The following PTK2 variants were observed in gnomAD, a reference collection of about 807,000 sequenced individuals.
The protein encoded by PTK2 is focal adhesion kinase 1.
In PTK2, 45 loss-of-function variants were observed where a neutral mutation model predicts 150.1. The observed-to-expected ratio is 0.30, with a 90% confidence interval of 0.24 to 0.38. The LOEUF (loss-of-function observed/expected upper bound fraction) is 0.38. Among genes scored for constraint, PTK2 ranks in the 10% least tolerant of loss-of-function variants. The pLI, the probability that PTK2 is intolerant of heterozygous loss-of-function variation, is 1.00. For synonymous variants in PTK2, 432 were observed against 449.2 expected, an observed-to-expected ratio of 0.96 and a Z score of 0.48; for missense variants, 919 against 1,307.3, an observed-to-expected ratio of 0.70 and a Z score of 4.58.
intron 16 of PTK2, among the ~76,000 whole-genome samples, chr8:140,754,873 T>A (rs1372865784): frequency 3.9e-5 from 6 of 152,164 alleles, no homozygotes; most frequent in Non-Finnish European, 7.3e-5. Flanking sequence ...TCAAAGTAAG[T>A]AAGACCAGAA....
rs139411697 is a variant in PTK2, at chr8:140,812,100, T to A, written c.867+6177A>T. ...ACGAGAAGATCATTCCCAAGACACA[T>A]CATCATGAAATTCTTCAAGGTGGAA... On this transcript the variant is annotated intron_variant, in intron 10 of 31. Transcript: ENST00000522684. Among the ~76,000 whole-genome samples, 27 of 152,126 alleles carry A rather than the reference T, an allele frequency of 1.8e-4. No homozygotes were observed. The East Asian group carries it at 5.2e-3, about 29-fold the overall frequency.
intron 1 of PTK2, among the ~76,000 whole-genome samples, chr8:140,938,863 C>T (rs1412026435): frequency 1.3e-5 from 2 of 152,060 alleles, no homozygotes; most frequent in African/African-American, 4.8e-5. Context: ...AATATTTTAC[C>T]TAGGTGTGGT....
At chr8:140,947,145 C>A (rs1318643784) in intron 1 of PTK2, among the ~76,000 whole-genome samples, 1 of 152,152 alleles carries the variant, frequency 6.6e-6, no homozygotes, top group East Asian at 1.9e-4. Flanking sequence ...AAGCCTTCTC[C>A]ACCCCTGCTT....
chr8:140,849,729 G>A (rs4565505), intron 5 of PTK2, among the ~76,000 whole-genome samples: 146,131 of 152,332 alleles, frequency 0.96, 70,295 homozygotes, highest in Non-Finnish European at 1. Context: ...AGCATTTTAC[G>A]TATATTTCTG....
chr8:140,799,116 A>AGCTG (rs1274208450), intron 12 of PTK2: 1 of 152,262 alleles, frequency 6.6e-6, no homozygotes, highest in African/African-American at 2.4e-5. Flanking sequence ...TCATGGCTTC[A>AGCTG]GCTGCTGTTT....
At chr8:141,001,772 G>C (rs2100200322), upstream of PTK2, among the ~76,000 whole-genome samples, 1 of 152,248 alleles carries the variant, frequency 6.6e-6, no homozygotes, top group Non-Finnish European at 1.5e-5. Context: ...GGGCCTTGCA[G>C]TGCACTCTCC....
At chr8:140,716,125 T>C (rs868732089) in intron 23 of PTK2, among the ~76,000 whole-genome samples, 3 of 152,194 alleles carry the variant, frequency 2.0e-5, no homozygotes, top group Non-Finnish European at 4.4e-5. Context: ...AATAGTCATT[T>C]TGTAAATAAG....
chr8:140,990,037 G>C (rs952594958), intron 1 of PTK2, among the ~76,000 whole-genome samples: 1 of 152,074 alleles, frequency 6.6e-6, no homozygotes, highest in Non-Finnish European at 1.5e-5. Flanking sequence ...CAGAGAAGAG[G>C]AAACAGTGCT....
intron 1 of PTK2, among the ~76,000 whole-genome samples, chr8:140,987,692 T>A (rs2100193840): frequency 2.0e-5 from 3 of 152,108 alleles, no homozygotes; most frequent in Admixed American, 2.0e-4. Context: ...AGAACTCTCA[T>A]CCACTGCTGG....
intron 2 of PTK2, among the ~76,000 whole-genome samples, chr8:140,902,731 T>C (rs1442924070): frequency 6.6e-6 from 1 of 152,218 alleles, no homozygotes; most frequent in Non-Finnish European, 1.5e-5. Context: ...CTTTTTTTCA[T>C]ATGTTTATTG....
intron 1 of PTK2, among the ~76,000 whole-genome samples, chr8:140,926,168 A>T (rs2100169356): frequency 6.6e-6 from 1 of 152,268 alleles, no homozygotes; most frequent in African/African-American, 2.4e-5. Context: ...AATTTGCTGC[A>T]GTGCTTTACA....
intron 2 of PTK2, among the ~76,000 whole-genome samples, chr8:140,903,135 C>A (rs1452021968): frequency 6.6e-6 from 1 of 151,804 alleles, no homozygotes; most frequent in African/African-American, 2.4e-5. Flanking sequence ...AGTCTTTAAT[C>A]CATCTTGAGT....
intron 5 of PTK2, among the ~76,000 whole-genome samples, chr8:140,860,770 A>C (rs912256274): frequency 1.3e-5 from 2 of 151,774 alleles, no homozygotes; most frequent in Non-Finnish European, 2.9e-5. Context: ...CACCGCACCC[A>C]GACAATCATA....
chr8:140,752,884 T>C (rs1045820514), intron 16 of PTK2, among the ~76,000 whole-genome samples: 1 of 152,056 alleles, frequency 6.6e-6, no homozygotes, highest in Non-Finnish European at 1.5e-5. Context: ...TCAAGGAACA[T>C]GAGCAAGCCA....
intron 2 of PTK2, among the ~76,000 whole-genome samples, chr8:140,896,765 G>GCCC (rs368561418): frequency 6.4e-5 from 7 of 109,886 alleles, no homozygotes; most frequent in African/African-American, 2.3e-4. Flanking sequence ...TACCATAGAC[G>GCCC]CCCCCCCTTC....
intron 16 of PTK2, among the ~76,000 whole-genome samples, chr8:140,756,533 A>C (rs2100065859): frequency 6.7e-6 from 1 of 149,996 alleles, no homozygotes; most frequent in Non-Finnish European, 1.5e-5. Context: ...CCCCATCTCT[A>C]CTAAAAATAC....
chr8:140,761,038 G>A (rs2100069138), intron 16 of PTK2, 127 bp downstream of exon 19: 1 of 649,666 alleles, frequency 1.5e-6, no homozygotes, highest in Non-Finnish European at 2.6e-6. Flanking sequence ...TTTATGAAGA[G>A]CTTTATAAAA....
chr8:140,785,872 A>G lies in PTK2; in HGVS notation c.1177+3602T>C, dbSNP rs186389050. Among the ~76,000 whole-genome samples the G allele has an allele frequency of 4.6e-5, 7 of 152,350 alleles. No individual in the cohort carries two copies. The East Asian group carries it at 1.3e-3, about 29-fold the overall frequency. Reference sequence around the variant, plus strand: ...CTGTGGGATTAAATAATATTTAACAATTATGAAGGGCTTTACAATCCCACA... The same window carrying G: ...CTGTGGGATTAAATAATATTTAACAGTTATGAAGGGCTTTACAATCCCACA... On this transcript the variant is annotated intron_variant, in intron 14 of 31. Transcript: ENST00000522684.
At position 140,761,063 on chromosome 8, in the gene PTK2, T is replaced by C; in HGVS notation, c.1332+102A>G. ...GCTTTATAAAAGACACCCGTAAATA[T>C]TAATACCTAGAAGAACTAAGGACTC... On this transcript the variant is annotated intron_variant, in intron 16 of 31. Coordinates refer to ENST00000522684, the Ensembl canonical transcript of PTK2. 47 of 780,142 alleles carry C rather than the reference T, an allele frequency of 6.0e-5. 2 individuals carry two copies. The South Asian group carries it at 7.3e-4, about 12-fold the overall frequency. 48.3% of individuals were successfully genotyped at this position (780,142 alleles called of 1,614,324 possible).
Sources: gnomAD v4.1 joint callset for allele counts (sites outside exome capture counted in the v4.1 genomes callset) on GRCh38, gnomAD v4.1.1 for gene constraint, MANE v1.5 for transcripts, NCBI Gene and HGNC (gene_info 2026-07-23, HGNC 2026-07-21) for gene names.